The following TMEM266 variants were observed in gnomAD, a reference collection of about 807,000 sequenced individuals.
TMEM266 encodes the protein Hv1 related protein 1.
TMEM266 carries 33 observed loss-of-function variants against 50.5 expected under a neutral mutation model. The ratio of observed to expected loss-of-function variants is 0.65; its 90% CI spans 0.50 to 0.87. TMEM266 has a LOEUF of 0.87. TMEM266 is among the 40% of genes least tolerant of loss of function. The pLI, the probability that TMEM266 is intolerant of heterozygous loss-of-function variation, is 0.00. For missense variants in TMEM266, 655 were observed against 695.1 expected (o/e 0.94, Z 0.65); for synonymous variants, 310 against 292.3 (o/e 1.06, Z -0.62).
chr15:76,170,443 C>T (rs915005167), intron 6 of TMEM266, among the ~76,000 whole-genome samples: 2 of 152,190 alleles, frequency 1.3e-5, no homozygotes, highest in Non-Finnish European at 1.5e-5. Flanking sequence ...TGGGCCTGGC[C>T]GATGGATGGC....
intron 1 of TMEM266, among the ~76,000 whole-genome samples, chr15:76,108,121 C>T (rs1281308039): frequency 2.0e-5 from 3 of 152,236 alleles, no homozygotes; most frequent in African/African-American, 7.2e-5. Context: ...TGCACGGGGG[C>T]ACCACCCCCA....
chr15:76,094,028 T>C (rs369589444), intron 1 of TMEM266, among the ~76,000 whole-genome samples: 93 of 152,226 alleles, frequency 6.1e-4, no homozygotes, highest in African/African-American at 2.2e-3. Flanking sequence ...CTTTGTCAGA[T>C]GCATAGATTG....
Position 76,106,265 on chromosome 15 carries a change from G to A in TMEM266, c.-96-27903G>A, listed in dbSNP as rs551984880. Among the ~76,000 whole-genome samples the A allele has an allele frequency of 3.3e-4, 51 of 152,250 alleles. 3 individuals are homozygous for A. In the South Asian group the frequency reaches 0.01, roughly 31 times the overall value. Reference sequence around the variant, plus strand: ...CTCACAGTCTGGTACATCCCACTGGGAATGCCCTCTCCCTACCCGTGTCAT... The same window carrying A: ...CTCACAGTCTGGTACATCCCACTGGAAATGCCCTCTCCCTACCCGTGTCAT... On this transcript the variant is annotated intron_variant, in intron 1 of 10. Coordinates refer to ENST00000388942, the MANE Select transcript of TMEM266 (RefSeq NM_152335.3).
rs2038004277 is a variant in TMEM266 at position 76,160,642 on chromosome 15, G to A, written c.456+474G>A. On this transcript the variant is annotated intron_variant, in intron 5 of 10. Transcript: ENST00000388942. This position sits in a 1 kb window ranked among gnomAD's most constrained non-coding sequence, Gnocchi z 5.7. ...GTGGGTGGGGGAACGGGGTCACAGG[G>A]CCAGGCAGTGGACCTGACCTGGTCC... 6.6e-6 allele frequency among the ~76,000 whole-genome samples: 1 copy of A among 152,198 alleles called. No individual in the cohort carries two copies. Among genetic ancestry groups the A allele is most frequent in the South Asian group, 2.1e-4 (1 of 4,824 alleles).
At chr15:76,163,941 T>C (rs2142054095) in intron 5 of TMEM266, among the ~76,000 whole-genome samples, 1 of 152,306 alleles carries the variant, frequency 6.6e-6, no homozygotes, top group Non-Finnish European at 1.5e-5. Flanking sequence ...TTCCGTGGCA[T>C]TTAGTACCCA....
intron 1 of TMEM266, among the ~76,000 whole-genome samples, chr15:76,106,902 G>A (rs1201659887): frequency 1.3e-5 from 2 of 152,112 alleles, no homozygotes; most frequent in African/African-American, 2.4e-5. Flanking sequence ...ATTAACCATA[G>A]TCCCCATGTT....
intron 1 of TMEM266, among the ~76,000 whole-genome samples, chr15:76,102,695 CAGGCATGGTGG>C (rs1232298420): frequency 5.3e-5 from 8 of 151,924 alleles, no homozygotes; most frequent in African/African-American, 1.7e-4. Flanking sequence ...AAAAATTAGC[CAGGCATGGTGG>C]CATGTGCCTG....
At chr15:76,097,505 C>T (rs1001483522) in intron 1 of TMEM266, among the ~76,000 whole-genome samples, 3 of 151,954 alleles carry the variant, frequency 2.0e-5, no homozygotes, top group Non-Finnish European at 2.9e-5. Context: ...GTGGGTAACC[C>T]GACCTTTCTG....
At chr15:76,072,084 A>G (rs1339084591) in intron 1 of TMEM266, among the ~76,000 whole-genome samples, 1 of 152,134 alleles carries the variant, frequency 6.6e-6, no homozygotes, top group African/African-American at 2.4e-5. Context: ...AGTTGTAACC[A>G]CATTCAGATG....
chr15:76,089,656 G>T (rs535645077), intron 1 of TMEM266, among the ~76,000 whole-genome samples: 1 of 152,120 alleles, frequency 6.6e-6, no homozygotes, highest in Non-Finnish European at 1.5e-5. Context: ...CTTAAATAGG[G>T]CAAAGATATG....
intron 5 of TMEM266, among the ~76,000 whole-genome samples, chr15:76,162,528 T>C (rs1283160261): frequency 6.6e-6 from 1 of 152,186 alleles, no homozygotes; most frequent in African/African-American, 2.4e-5. Flanking sequence ...GAGCTCAGTG[T>C]CCGTCAGTGG....
rs758310240 is a variant in TMEM266, at chr15:76,204,019, C to T, written c.1300C>T (p.Gln434Ter). 32 of 1,609,170 alleles carry T rather than the reference C, an allele frequency of 2.0e-5. No homozygotes were observed. Among genetic ancestry groups the T allele is most frequent in the Non-Finnish European group, 2.7e-5 (32 of 1,176,438 alleles). Reference sequence around the variant, plus strand: ...TCCCCCGCCGCTGCCATCCCAGCAGCAGGTGGAGGAGGCCACAGTCCAGGA... The same window carrying T: ...TCCCCCGCCGCTGCCATCCCAGCAGTAGGTGGAGGAGGCCACAGTCCAGGA... The change falls in exon 11 of 11, where the codon CAG becomes TAG. Residue 434 changes from glutamine to a stop codon, truncating the protein, a stop_gained. Transcript: ENST00000388942. LOFTEE classifies it high-confidence loss of function.
intron 8 of TMEM266, among the ~76,000 whole-genome samples, chr15:76,185,392 C>T (rs181112070): frequency 3.3e-5 from 5 of 152,262 alleles, no homozygotes; most frequent in East Asian, 3.9e-4. Context: ...AACCCTACTA[C>T]GTCCAATCTC....
intron 1 of TMEM266, among the ~76,000 whole-genome samples, chr15:76,100,376 C>T (rs892645827): frequency 4.6e-5 from 7 of 152,180 alleles, no homozygotes; most frequent in African/African-American, 7.2e-5. Flanking sequence ...TAAAAAGTTT[C>T]CTCCAAAAGC....
chr15:76,179,242 T>C (rs1338508559), intron 8 of TMEM266, among the ~76,000 whole-genome samples: 1 of 152,204 alleles, frequency 6.6e-6, no homozygotes, highest in Non-Finnish European at 1.5e-5. Flanking sequence ...CTATGGGCCT[T>C]GGTTTTCCTA....
At chr15:76,076,471 G>A (rs2036609455) in intron 1 of TMEM266, among the ~76,000 whole-genome samples, 1 of 151,968 alleles carries the variant, frequency 6.6e-6, no homozygotes, top group Admixed American at 6.6e-5. Flanking sequence ...TATTCACACG[G>A]TCCCTTTACA....
At chr15:76,186,448 C>G (rs2038491981) in intron 8 of TMEM266, among the ~76,000 whole-genome samples, 1 of 152,196 alleles carries the variant, frequency 6.6e-6, no homozygotes, top group African/African-American at 2.4e-5. Flanking sequence ...TGTGCTTCCC[C>G]TCTGAGGAGT....
intron 8 of TMEM266, among the ~76,000 whole-genome samples, chr15:76,184,248 G>T (rs1034041290): frequency 1.4e-4 from 22 of 152,202 alleles, no homozygotes; most frequent in African/African-American, 4.8e-4. Flanking sequence ...TGTGGGAAGT[G>T]AAATTTTTTT....
rs147372868 is a variant in TMEM266, at chr15:76,080,552, G to A, written c.-97+20536G>A. 2.6e-3 allele frequency among the ~76,000 whole-genome samples: 390 copies of A among 150,962 alleles called. 3 individuals carry two copies. Among genetic ancestry groups the A allele is most frequent in the African/African-American group, 8.3e-3 (341 of 41,180 alleles). ...GCGTGAGCCACCGTGCCCTGCCAAAGGCACCATTTCAAACTGGGAACAACT... is the reference window on the plus strand; with the variant it reads ...GCGTGAGCCACCGTGCCCTGCCAAAAGCACCATTTCAAACTGGGAACAACT... On this transcript the variant is annotated intron_variant, in intron 1 of 10. Transcript: ENST00000388942.
Sources: gnomAD v4.1 joint callset for allele counts (sites outside exome capture counted in the v4.1 genomes callset) on GRCh38, gnomAD v4.1.1 for gene constraint, Gnocchi (gnomAD v3.1) non-coding constraint, MANE v1.5 for transcripts, NCBI Gene and HGNC (gene_info 2026-07-23, HGNC 2026-07-21) for gene names.